Variants in HHIPL1 observed in about 807,000 individuals in gnomAD.
HHIPL1 encodes HHIP like 1, also known as HHIP-like protein 1.
HHIPL1 carries 43 observed loss-of-function variants against 61.8 expected under a neutral mutation model. The observed-to-expected ratio is 0.70, with a 90% CI of 0.55 to 0.90. HHIPL1 has a LOEUF of 0.90. Ranked by LOEUF, HHIPL1 falls within the 40% of genes least tolerant of loss-of-function variation. The pLI, the probability that HHIPL1 is intolerant of heterozygous loss-of-function variation, is 0.00. For synonymous variants in HHIPL1, 482 were observed against 515.8 expected (o/e 0.93, Z 0.89); for missense variants, 1,056 against 1,157.7 (o/e 0.91, Z 1.28).
intron 1 of HHIPL1, among the ~76,000 whole-genome samples, chr14:99,649,777 CAGAG>C (rs1186502403): frequency 2.0e-5 from 3 of 152,236 alleles, no homozygotes; most frequent in Non-Finnish European, 4.4e-5. Context: ...GCCTGGATGA[CAGAG>C]AGAGTCCCTG....
chr14:99,606,936 G>T, the HHIPL1 span, among the ~76,000 whole-genome samples: 5 of 151,374 alleles, frequency 3.3e-5, no homozygotes, highest in Non-Finnish European at 5.9e-5. Context: ...GGCCCATATC[G>T]CAGGGTCCAG....
chr14:99,674,033 C>T (rs11160538), intron 8 of HHIPL1, among the ~76,000 whole-genome samples: 77,537 of 151,378 alleles, frequency 0.51, 20,453 homozygotes, highest in East Asian at 0.61. Flanking sequence ...AGGTGGGGGC[C>T]AGGGGCCAGG....
the HHIPL1 span, among the ~76,000 whole-genome samples, chr14:99,627,189 T>A: frequency 7.4e-6 from 1 of 135,688 alleles, no homozygotes; most frequent in Non-Finnish European, 1.6e-5. This position sits in a 1 kb window ranked among gnomAD's most constrained non-coding sequence, Gnocchi z 4.4. Context: ...TCTACTCTTC[T>A]ATCTTCCCAT....
chr14:99,657,273 C>A, intron 3 of HHIPL1, 130 bp downstream of exon 3: 1 of 1,053,434 alleles, frequency 9.5e-7, no homozygotes, highest in Non-Finnish European at 1.4e-6. Flanking sequence ...GGTCCCAGCT[C>A]AGCCTGCAGC....
the HHIPL1 span, among the ~76,000 whole-genome samples, chr14:99,610,785 C>T: frequency 6.6e-6 from 1 of 152,148 alleles, no homozygotes; most frequent in Non-Finnish European, 1.5e-5. Flanking sequence ...TTTGATTTTG[C>T]ATGCTTTTGA....
intron 6 of HHIPL1, among the ~76,000 whole-genome samples, chr14:99,667,827 TC>T (rs1566816016): frequency 6.6e-6 from 1 of 152,056 alleles, no homozygotes; most frequent in Non-Finnish European, 1.5e-5. Context: ...TGCCTGCGGG[TC>T]CCCTGGAAGC....
At chr14:99,612,563 G>A in the HHIPL1 span, among the ~76,000 whole-genome samples, 15,254 of 152,162 alleles carry the variant, frequency 0.1, 842 homozygotes, top group African/African-American at 0.12. Flanking sequence ...TTATAATTAC[G>A]GGGTTTACAT....
chr14:99,636,714 G>A, the HHIPL1 span, among the ~76,000 whole-genome samples: 7,927 of 152,078 alleles, frequency 0.052, 277 homozygotes, highest in Non-Finnish European at 0.076. Context: ...GAGGCCAGGC[G>A]TGGTGGTGCA....
At chr14:99,615,719 AAGAG>A in the HHIPL1 span, among the ~76,000 whole-genome samples, 1 of 151,938 alleles carries the variant, frequency 6.6e-6, no homozygotes, top group Admixed American at 6.5e-5. Context: ...GAAGGAAAGA[AAGAG>A]AAAGAAAGAA....
At chr14:99,607,772 G>A in the HHIPL1 span, among the ~76,000 whole-genome samples, 1 of 6,428 alleles carries the variant, frequency 1.6e-4, no homozygotes, top group Non-Finnish European at 1.4e-3. Context: ...GTGACAGATT[G>A]AGTCTGAGGC....
At position 99,660,137 on chromosome 14, in the gene HHIPL1, TGCTGTGGGC is replaced by T; in HGVS notation, c.1376-142_1376-134del. 1.0e-5 allele frequency: 7 copies of T among 673,388 alleles called. No individual in the cohort carries two copies. Among genetic ancestry groups the T allele is most frequent in the South Asian group, 7.7e-5 (3 of 38,754 alleles). 41.7% of individuals were successfully genotyped at this position (673,388 alleles called of 1,614,324 possible). ...GACACGCTTTCCACCACGCCAGCCC[TGCTGTGGGC>T]ACGCCAGCCCTGCTGTGGGCACGCC... On this transcript the variant is annotated intron_variant, in intron 4 of 8. Coordinates refer to ENST00000330710, the MANE Select transcript of HHIPL1 (RefSeq NM_001127258.3). This position sits in a 1 kb window ranked among gnomAD's most constrained non-coding sequence, Gnocchi z 4.9.
chr14:99,658,184 G>A (rs2140071337), intron 3 of HHIPL1, among the ~76,000 whole-genome samples: 1 of 152,320 alleles, frequency 6.6e-6, no homozygotes, highest in East Asian at 1.9e-4. Context: ...TCTCACGTTT[G>A]GGATGTGTTT....
At chr14:99,634,548 C>A in the HHIPL1 span, among the ~76,000 whole-genome samples, 1 of 152,192 alleles carries the variant, frequency 6.6e-6, no homozygotes. Context: ...CCCTAAGCAG[C>A]CCCAGCTCCT....
chr14:99,675,087 G>A lies in HHIPL1; in HGVS notation c.1814-4G>A. ...CTCTGACGGCATACTCTTCCTCTGC[G>A]CAGAGTTCATCCCGAAGACACGGAG... On this transcript the variant is annotated splice_polypyrimidine_tract_variant and splice_region_variant and intron_variant, in intron 8 of 8. Transcript: ENST00000330710. This position sits in a 1 kb window ranked among gnomAD's most constrained non-coding sequence, Gnocchi z 5.4. 2 of 1,166,318 alleles carry A rather than the reference G, an allele frequency of 1.7e-6. No homozygotes were observed. The highest frequency in any genetic ancestry group is 2.1e-6 in the Non-Finnish European group (2 of 933,822). The allele number at this position is 1,166,318 out of a possible 1,614,324, so 72.2% of individuals were successfully genotyped here.
At chr14:99,623,423 CT>C in the HHIPL1 span, among the ~76,000 whole-genome samples, 1 of 151,836 alleles carries the variant, frequency 6.6e-6, no homozygotes, top group Non-Finnish European at 1.5e-5. Flanking sequence ...GACACTTTTT[CT>C]TTTTTTTAAG....
At chr14:99,672,237 C>A in intron 7 of HHIPL1, 80 bp from the exon 8 acceptor site, 1 of 1,090,874 alleles carries the variant, frequency 9.2e-7, no homozygotes, top group Non-Finnish European at 1.4e-6. Context: ...GCTGTTCATA[C>A]CTGCCTCACT....
At position 99,652,850 on chromosome 14, in the gene HHIPL1, C is replaced by T. The variant is rs375148306; in HGVS notation, c.882C>T (p.Ala294=). The change falls in exon 2 of 9, where the codon GCC becomes GCT. Residue 294 remains alanine, a synonymous_variant. Coordinates refer to ENST00000330710, the MANE Select transcript of HHIPL1 (RefSeq NM_001127258.3). ...EFRVSEDDEN[A]VDHSSERIIL... ...GAGTCTCCGAGGATGACGAGAACGCCGTGGACCACAGCTCTGAGAGGTGGC... is the reference window on the plus strand; with the variant it reads ...GAGTCTCCGAGGATGACGAGAACGCTGTGGACCACAGCTCTGAGAGGTGGC... The T allele has an allele frequency of 3.6e-5, 58 of 1,613,570 alleles. No homozygotes were observed. Among genetic ancestry groups the T allele is most frequent in the African/African-American group, 1.2e-4 (9 of 74,936 alleles).
the HHIPL1 span, among the ~76,000 whole-genome samples, chr14:99,618,103 C>T: frequency 7.2e-5 from 11 of 152,168 alleles, no homozygotes; most frequent in African/African-American, 2.7e-4. Context: ...CTTGACTGTA[C>T]CATCTGTTCT....
chr14:99,640,949 C>T (rs925559052), upstream of HHIPL1, among the ~76,000 whole-genome samples: 1 of 125,808 alleles, frequency 7.9e-6, no homozygotes, highest in African/African-American at 3.1e-5. Context: ...TGCAATGGTG[C>T]GATCTTGGCT....
Sources: allele counts gnomAD v4.1 joint callset (sites outside exome capture counted in the v4.1 genomes callset), GRCh38; gene constraint gnomAD v4.1.1; non-coding constraint Gnocchi (gnomAD v3.1); transcripts MANE v1.5; gene names NCBI Gene and HGNC (gene_info 2026-07-23, HGNC 2026-07-21).